PLEKHA4: variants seen among roughly 807,000 people sequenced by gnomAD.
PLEKHA4 encodes pleckstrin homology domain containing A4.
PLEKHA4 carries 73 observed loss-of-function variants against 94.7 expected under a neutral mutation model. That is an observed-to-expected ratio of 0.77 (90% CI 0.64 to 0.94). PLEKHA4 has a LOEUF of 0.94. Ranked by LOEUF, PLEKHA4 falls within the 40% of genes least tolerant of loss-of-function variation. The pLI, the probability that PLEKHA4 is intolerant of heterozygous loss-of-function variation, is 0.00. For synonymous variants in PLEKHA4, 449 were observed against 437.1 expected (o/e 1.03, Z -0.34); for missense variants, 1,049 against 1,054.1 (o/e 1.00, Z 0.07).
At position 48,867,689 on chromosome 19, in the gene PLEKHA4, C is replaced by A; in HGVS notation, c.-6-63G>T. ...GACGGGTGTGAGACAGAGATGGGGT[C>A]AGGGGCTTGGAGGTCGGAGGAGGCT... On this transcript the variant is annotated intron_variant, in intron 1 of 19. Coordinates refer to ENST00000263265, the MANE Select transcript of PLEKHA4 (RefSeq NM_020904.3). This position sits in a 1 kb window ranked among gnomAD's most constrained non-coding sequence, Gnocchi z 4.7. 6.8e-7 allele frequency: 1 copy of A among 1,476,156 alleles called. No homozygotes were observed. The highest frequency in any genetic ancestry group is 1.2e-5 in the South Asian group (1 of 82,502). The allele number at this position is 1,476,156 out of a possible 1,614,324, so 91.4% of individuals were successfully genotyped here. A position where few individuals can be genotyped will look rare whatever the true frequency, so the allele number is the denominator to read the frequency against.
At position 48,867,088 on chromosome 19, in the gene PLEKHA4, C is replaced by T. The variant is rs1161884401; in HGVS notation, c.84+449G>A. On this transcript the variant is annotated intron_variant, in intron 2 of 19. Coordinates refer to ENST00000263265, the MANE Select transcript of PLEKHA4 (RefSeq NM_020904.3). This position sits in a 1 kb window ranked among gnomAD's most constrained non-coding sequence, Gnocchi z 4.7. ...AAAAAGAAATGAGTGTCTCCCTAAG[C>T]TTTTGGCTGGGATGCCGATTTGGGA... 6.6e-6 allele frequency among the ~76,000 whole-genome samples: 1 copy of T among 152,176 alleles called. No individual in the cohort carries two copies. Among genetic ancestry groups the T allele is most frequent in the African/African-American group, 2.4e-5 (1 of 41,424 alleles).
chr19:48,848,083 G>A (rs757660222), intron 13 of PLEKHA4, 43 bp from the exon 14 acceptor site: 43 of 1,599,346 alleles, frequency 2.7e-5, no homozygotes, highest in South Asian at 3.3e-5. Flanking sequence ...GTGGGAAAAC[G>A]CAGGAGGGTT....
At chr19:48,860,687 G>GT in intron 5 of PLEKHA4, among the ~76,000 whole-genome samples, 1 of 152,044 alleles carries the variant, frequency 6.6e-6, no homozygotes, top group South Asian at 2.1e-4. Flanking sequence ...CGCACCTGTA[G>GT]TCCCAGCTAC....
chr19:48,841,461 T>C (rs1356007298), intron 16 of PLEKHA4, 151 bp from the exon 17 acceptor site: 10 of 780,148 alleles, frequency 1.3e-5, no homozygotes, highest in Middle Eastern at 3.9e-4. Context: ...ATACCATCTC[T>C]ACTAAAAATA....
intron 11 of PLEKHA4, 43 bp downstream of exon 11, chr19:48,853,964 G>A: frequency 6.2e-7 from 1 of 1,611,752 alleles, no homozygotes; most frequent in Non-Finnish European, 8.5e-7. Context: ...CTCAGGGCAG[G>A]CAGAGAGGCC....
intron 3 of PLEKHA4, among the ~76,000 whole-genome samples, chr19:48,864,235 C>A (rs920615794): frequency 2.0e-5 from 3 of 151,644 alleles, no homozygotes; most frequent in African/African-American, 7.3e-5. Flanking sequence ...ATGGCGCAAC[C>A]TCGGCTCACT....
At chr19:48,859,803 A>C in intron 6 of PLEKHA4, 119 bp from the exon 7 acceptor site, 5 of 879,588 alleles carry the variant, frequency 5.7e-6, no homozygotes, top group Non-Finnish European at 8.8e-6. Flanking sequence ...ACTATAAATC[A>C]TCGTCCCCCT....
At chr19:48,844,940 G>C (rs1000545623) in intron 16 of PLEKHA4, among the ~76,000 whole-genome samples, 1 of 149,380 alleles carries the variant, frequency 6.7e-6, no homozygotes, top group African/African-American at 2.5e-5. Flanking sequence ...TCAGCCTCCC[G>C]AGTGGCTGGG....
Position 48,852,315 on chromosome 19 carries a change from C to A in PLEKHA4, c.1338G>T (p.Arg446Ser), listed in dbSNP as rs1265528594. ...CCAGGCCACTGTACGTGTCCCAAAC[C>A]CTCTCTCGCTCCTCAGGTTGCATAA... ...TLCHLTQERE[R>S]VWDTYSGLEQ... The change falls in exon 13 of 20, where the codon AGG (arginine) becomes AGT (serine). Residue 446 changes from arginine (R) to serine (S), a missense_variant. Physicochemically the swap from Arg to Ser is moderately radical, Grantham distance 110. Coordinates refer to ENST00000263265, the MANE Select transcript of PLEKHA4 (RefSeq NM_020904.3). 1 of 1,613,926 alleles carries A rather than the reference C, an allele frequency of 6.2e-7. No individual in the cohort carries two copies. The highest frequency in any genetic ancestry group is 8.5e-7 in the Non-Finnish European group (1 of 1,179,896).
chr19:48,865,737 G>T (rs143787229), intron 2 of PLEKHA4, 127 bp from the exon 3 acceptor site: 4 of 615,986 alleles, frequency 6.5e-6, no homozygotes, highest in Non-Finnish European at 8.7e-6. Flanking sequence ...AGGACCAGCC[G>T]GGCGCAGTGG....
chr19:48,855,646 G>A (rs534075754), intron 9 of PLEKHA4, among the ~76,000 whole-genome samples: 3 of 137,714 alleles, frequency 2.2e-5, no homozygotes, highest in African/African-American at 9.5e-5. Context: ...AAAATAAGCT[G>A]AGCATGGTGG....
At chr19:48,857,592 A>G (rs539544025) in intron 8 of PLEKHA4, 96 bp from the exon 9 acceptor site, 68 of 717,498 alleles carry the variant, frequency 9.5e-5, no homozygotes, top group Non-Finnish European at 1.6e-4. Context: ...CTGCCTTGGG[A>G]TCCTGTTGAT....
chr19:48,849,562 G>T (rs1372349557), intron 13 of PLEKHA4, among the ~76,000 whole-genome samples: 1 of 152,030 alleles, frequency 6.6e-6, no homozygotes, highest in Non-Finnish European at 1.5e-5. Flanking sequence ...ACCTGCCTTG[G>T]CCTCCCAAAG....
At chr19:48,866,765 T>G (rs2036849356) in intron 2 of PLEKHA4, among the ~76,000 whole-genome samples, 1 of 152,154 alleles carries the variant, frequency 6.6e-6, no homozygotes, top group South Asian at 2.1e-4. Context: ...ACTGGGACTA[T>G]GGGCTGGGAG....
rs139899958 is a variant in PLEKHA4, at chr19:48,853,792, G to A, written c.1216C>T (p.Leu406=). 5 of 1,613,104 alleles carry A rather than the reference G, an allele frequency of 3.1e-6. No individual in the cohort carries two copies. In the African/African-American group the frequency reaches 6.7e-5, roughly 22 times the overall value. ...CCAGCCTCCCTGGTGGCTTGGCCCA[G>A]CTGTTGCCGGGTCAACTCCAGAGCT... ...EAALELTRQQ[L]GQATREAGAP... Residue 406 remains leucine (L), a synonymous_variant, in exon 12 of 20, where the codon CTG becomes TTG. Transcript: ENST00000263265.
intron 16 of PLEKHA4, 126 bp from the exon 17 acceptor site, chr19:48,841,436 G>A (rs565131109): frequency 3.0e-6 from 3 of 1,008,056 alleles, no homozygotes; most frequent in African/African-American, 1.7e-5. Context: ...AGACCAGCCT[G>A]GCCAACTTGG....
chr19:48,853,906 A>C (rs370135161), intron 11 of PLEKHA4, 75 bp from the exon 12 acceptor site: 23 of 1,591,432 alleles, frequency 1.4e-5, no homozygotes, highest in Admixed American at 7.2e-5. Context: ...ATGTCCTTTC[A>C]CGTCCTGGAC....
intron 3 of PLEKHA4, among the ~76,000 whole-genome samples, chr19:48,864,657 C>G (rs779146702): frequency 7.9e-5 from 12 of 152,104 alleles, no homozygotes; most frequent in Non-Finnish European, 1.3e-4. Context: ...GCCTCCTGGG[C>G]TTCAGCAATC....
intron 16 of PLEKHA4, chr19:48,844,738 T>C (rs2035901337): frequency 1.4e-6 from 1 of 702,474 alleles, no homozygotes; most frequent in Non-Finnish European, 1.7e-6. Context: ...TTCCTGCCAC[T>C]AGAAGTCAAC....
Sources: allele counts gnomAD v4.1 joint callset (sites outside exome capture counted in the v4.1 genomes callset), GRCh38; gene constraint gnomAD v4.1.1; non-coding constraint Gnocchi (gnomAD v3.1); transcripts MANE v1.5; gene names NCBI Gene and HGNC (gene_info 2026-07-23, HGNC 2026-07-21).